SLC22A2: variants seen among roughly 807,000 people sequenced by gnomAD.
The protein encoded by SLC22A2 is organic cation transporter 2.
A neutral mutation model predicts 60.5 loss-of-function variants in SLC22A2; 46 were observed. The observed-to-expected ratio is 0.76, with a 90% CI of 0.60 to 0.97. SLC22A2 has a LOEUF of 0.97. SLC22A2 is among the 50% of genes least tolerant of loss of function. The pLI is 0.00. For synonymous variants in SLC22A2, 303 were observed against 267.0 expected, an observed-to-expected ratio of 1.13 and a Z score of -1.31; for missense variants, 701 against 706.6, an observed-to-expected ratio of 0.99 and a Z score of 0.09.
chr6:160,225,297 T>C (rs572757503), intron 9 of SLC22A2, among the ~76,000 whole-genome samples: 1 of 152,354 alleles, frequency 6.6e-6, no homozygotes, highest in East Asian at 1.9e-4. Flanking sequence ...ATTCCCGTTA[T>C]TCCTTTTTTT....
chr6:160,233,474 C>T (rs1331303723), intron 9 of SLC22A2, among the ~76,000 whole-genome samples: 1 of 151,820 alleles, frequency 6.6e-6, no homozygotes, highest in Non-Finnish European at 1.5e-5. Flanking sequence ...TCACGAAGCT[C>T]AGCCACCAAC....
intron 9 of SLC22A2, among the ~76,000 whole-genome samples, chr6:160,229,941 G>T (rs1400662230): frequency 6.6e-6 from 1 of 151,666 alleles, no homozygotes; most frequent in Non-Finnish European, 1.5e-5. Context: ...ATGGGCAAAC[G>T]GTCTGAGGTC....
chr6:160,250,618 C>G lies in SLC22A2; in HGVS notation c.603G>C (p.Thr201=), dbSNP rs141320073. The G allele has an allele frequency of 1.0e-4, 164 of 1,614,020 alleles. No homozygotes were observed. In the African/African-American group the frequency reaches 2.0e-3, roughly 20 times the overall value. The change falls in exon 3 of 11, where the codon ACG becomes ACC. Residue 201 remains threonine (T), a synonymous_variant. Coordinates refer to ENST00000366953, the MANE Select transcript of SLC22A2 (RefSeq NM_003058.4). ...GGATTAAGCGAAAAATTAACATCCA[C>G]GTATAGGTTGGGGAAATGGCCATGA... ...GVLMAISPTY[T]WMLIFRLIQG... is the part of the protein sequence containing the mutation.
chr6:160,218,334 T>C (rs528100513), intron 10 of SLC22A2: 75 of 357,624 alleles, frequency 2.1e-4, no homozygotes, highest in African/African-American at 1.5e-3. Context: ...ACAGTAGAAA[T>C]AGCAGCAATA....
At chr6:160,232,153 C>A (rs1208987265) in intron 9 of SLC22A2, among the ~76,000 whole-genome samples, 1 of 151,914 alleles carries the variant, frequency 6.6e-6, no homozygotes, top group African/African-American at 2.4e-5. Context: ...ACCATTGTTC[C>A]TGGCCTGGAC....
intron 4 of SLC22A2, among the ~76,000 whole-genome samples, chr6:160,247,993 T>A (rs1783123157): frequency 6.6e-6 from 1 of 152,140 alleles, no homozygotes; most frequent in South Asian, 2.1e-4. Flanking sequence ...GCGAAGTTGC[T>A]CTGAGAGGCA....
Position 160,258,358 on chromosome 6 carries a change from A to G in SLC22A2, c.400T>C (p.Ser134Pro), listed in dbSNP as rs758519136. ...DGWVYETPGS[S>P]IVTEFNLVCA... ...CACTCTCTTACCTCGGTGACGATGG[A>G]CGAGCCAGGCGTCTCGTACACCCAG... is the stretch of plus-strand genomic sequence containing the variant. The change falls in exon 1 of 11, where the codon TCC becomes CCC. Residue 134 changes from serine to proline, a missense_variant. By Grantham distance (74) the Ser-to-Pro change is moderately conservative. Transcript: ENST00000366953. The G allele has an allele frequency of 1.9e-6, 3 of 1,609,744 alleles. No homozygotes were observed. The highest frequency in any genetic ancestry group is 1.1e-5 in the South Asian group (1 of 90,590).
chr6:160,218,387 G>T, intron 10 of SLC22A2: 2 of 363,158 alleles, frequency 5.5e-6, no homozygotes, highest in South Asian at 2.1e-5. Flanking sequence ...AGCAGCAACA[G>T]TAGCAGCAAT....
chr6:160,224,799 G>C lies in SLC22A2; in HGVS notation c.1507C>G (p.Leu503Val), dbSNP rs749115851. The stretch of plus-strand genomic sequence containing the variant: ...ACCAGACCTCCAGCAACCAAGCCAA[G>C]CACGCCTGAAAGCCAAACAGATGAA... Reference protein sequence around the residue: ...LELPLMVFGVLGLVAGGLVLL... With the variant: ...LELPLMVFGVVGLVAGGLVLL... The change falls in exon 10 of 11, where the codon CTT becomes GTT. Residue 503 changes from leucine (L) to valine (V), a missense_variant. Leu to Val is a conservative substitution (Grantham distance 32). Transcript: ENST00000366953. The C allele has an allele frequency of 6.3e-7, 1 of 1,587,222 alleles. No homozygotes were observed. The highest frequency in any genetic ancestry group is 1.2e-5 in the South Asian group (1 of 86,810).
rs767102234 is a variant in SLC22A2, at chr6:160,247,262, C to T, written c.879G>A (p.Gln293=). ...IPESPRWLIS[Q]NKNAEAMRII... ...TTCTCATGGCTTCAGCATTCTTATT[C>T]TGGGAGATCAGCCACCTGGGAGACT... The change falls in exon 5 of 11, where the codon CAG becomes CAA. Residue 293 remains glutamine (Q), a synonymous_variant. Transcript: ENST00000366953. 1.1e-5 allele frequency: 17 copies of T among 1,613,598 alleles called. No individual in the cohort carries two copies. In the South Asian group the frequency reaches 1.6e-4, roughly 16 times the overall value.
At chr6:160,218,319 C>A (rs1428385127) in intron 10 of SLC22A2, 2 of 353,644 alleles carry the variant, frequency 5.7e-6, no homozygotes, top group East Asian at 1.6e-4. Context: ...GCAGCAGAAA[C>A]AACAACAGTA....
chr6:160,251,271 C>T (rs1783181703), intron 2 of SLC22A2, among the ~76,000 whole-genome samples: 1 of 152,184 alleles, frequency 6.6e-6, no homozygotes, highest in Non-Finnish European at 1.5e-5. Flanking sequence ...TTCCACACAT[C>T]AGATTTGGGA....
chr6:160,247,893 A>C (rs1783121232), intron 4 of SLC22A2, among the ~76,000 whole-genome samples: 1 of 152,078 alleles, frequency 6.6e-6, no homozygotes, highest in Non-Finnish European at 1.5e-5. Flanking sequence ...CAGCGGGAGG[A>C]GAAACTGGAG....
At position 160,247,196 on chromosome 6, in the gene SLC22A2, G is replaced by A. The variant is rs376419304; in HGVS notation, c.945C>T (p.Pro315=). ...HIAKKNGKSL[P]ASLQRLRLEE... ...GGCCCTGGCTCACCTGAAGGGAGGC[G>A]GGTAGAGATTTTCCATTTTTCTTTG... The change falls in exon 5 of 11, where the codon CCC becomes CCT. Residue 315 remains proline, a synonymous_variant. Transcript: ENST00000366953. 27 of 1,595,930 alleles carry A rather than the reference G, an allele frequency of 1.7e-5. No individual in the cohort carries two copies. The highest frequency in any genetic ancestry group is 3.3e-5 in the South Asian group (3 of 90,702).
At chr6:160,218,427 C>T (rs1562428356) in intron 10 of SLC22A2, 1 of 362,900 alleles carries the variant, frequency 2.8e-6, no homozygotes, top group Non-Finnish European at 5.4e-6. Context: ...ACAGTAATTA[C>T]AGCAGCAACT....
In SLC22A2 at chr6:160,258,740, G is replaced by C. The variant is rs139039970; in HGVS notation, c.18C>G (p.Asp6Glu). 1 of 1,562,074 alleles carries C rather than the reference G, an allele frequency of 6.4e-7. No homozygotes were observed. The highest frequency in any genetic ancestry group is 8.7e-7 in the Non-Finnish European group (1 of 1,151,646). Residue 6 changes from aspartate (D) to glutamate (E), a missense_variant, in exon 1 of 11, where the codon GAC (aspartate) becomes GAG (glutamate). Physicochemically the swap from Asp to Glu is conservative, Grantham distance 45. Coordinates refer to ENST00000366953, the MANE Select transcript of SLC22A2 (RefSeq NM_003058.4). ...ACTCCCCTCCATGCTCCAGGACATC[G>C]TCCACGGTGGTGGGCATGATCCTGC... MPTTV[D>E]DVLEHGGEFH...
intron 9 of SLC22A2, among the ~76,000 whole-genome samples, chr6:160,234,972 C>G (rs941374617): frequency 1.3e-5 from 2 of 152,130 alleles, no homozygotes; most frequent in South Asian, 4.1e-4. Flanking sequence ...CAAAAAATAT[C>G]GGCTGTTTGG....
intron 9 of SLC22A2, among the ~76,000 whole-genome samples, chr6:160,236,436 T>C (rs889544445): frequency 3.3e-5 from 5 of 152,224 alleles, no homozygotes; most frequent in African/African-American, 4.8e-5. Flanking sequence ...GTCAAGTATA[T>C]TCCTGTGAAA....
intron 10 of SLC22A2, among the ~76,000 whole-genome samples, chr6:160,221,939 T>A (rs1237521944): frequency 3.3e-5 from 5 of 152,344 alleles, no homozygotes; most frequent in African/African-American, 1.2e-4. Context: ...GAGCACCTGC[T>A]GTTGGAAAAA....
Sources: allele counts gnomAD v4.1 joint callset (sites outside exome capture counted in the v4.1 genomes callset), GRCh38; gene constraint gnomAD v4.1.1; transcripts MANE v1.5; gene names NCBI Gene and HGNC (gene_info 2026-07-23, HGNC 2026-07-21).